Variants in RSPO2 observed in about 807,000 individuals in gnomAD.
RSPO2 encodes R-spondin-2.
Under a neutral mutation model 30.9 loss-of-function variants are expected in RSPO2, and 14 were observed. That is an observed-to-expected ratio of 0.45 (90% CI 0.30 to 0.71). The LOEUF (loss-of-function observed/expected upper bound fraction) is 0.71. Among genes scored for constraint, RSPO2 ranks in the 30% least tolerant of loss-of-function variants. RSPO2 has a pLI of 0.08. For missense variants in RSPO2, 264 were observed against 301.9 expected, an observed-to-expected ratio of 0.87 and a Z score of 0.93; for synonymous variants, 107 against 96.4, an observed-to-expected ratio of 1.11 and a Z score of -0.64.
At chr8:108,061,527 T>C (rs1227739425) in intron 2 of RSPO2, among the ~76,000 whole-genome samples, 3 of 151,662 alleles carry the variant, frequency 2.0e-5, no homozygotes, top group Non-Finnish European at 4.4e-5. Context: ...GCACCCAGAT[T>C]CATAAAGCAA....
chr8:107,984,079 CTGG>C (rs1350039207), intron 3 of RSPO2: 27 of 508,902 alleles, frequency 5.3e-5, no homozygotes, highest in Non-Finnish European at 8.0e-5. Context: ...AATGCTTCAT[CTGG>C]TGGACTGTGG....
chr8:108,001,856 G>A (rs1363014113), intron 2 of RSPO2, among the ~76,000 whole-genome samples: 1 of 152,070 alleles, frequency 6.6e-6, no homozygotes, highest in Non-Finnish European at 1.5e-5. Context: ...ACACAGAGAG[G>A]GGAACATCAC....
At position 108,042,999 on chromosome 8, in the gene RSPO2, C is replaced by T. The variant is rs74952753; in HGVS notation, c.94+39546G>A. On this transcript the variant is annotated intron_variant, in intron 2 of 5. Coordinates refer to ENST00000276659, the MANE Select transcript of RSPO2 (RefSeq NM_178565.5). Reference sequence around the variant, plus strand: ...ATGAAATAAACACTTATAAAGGACACGGCTAAAACATCCTGAGTATACAAA... The same window carrying T: ...ATGAAATAAACACTTATAAAGGACATGGCTAAAACATCCTGAGTATACAAA... Among the ~76,000 whole-genome samples, 992 of 152,120 alleles carry T rather than the reference C, an allele frequency of 6.5e-3. 14 individuals carry two copies. Among genetic ancestry groups the T allele is most frequent in the African/African-American group, 0.021 (857 of 41,504 alleles).
chr8:108,018,144 C>G (rs908881307), intron 2 of RSPO2, among the ~76,000 whole-genome samples: 1 of 152,124 alleles, frequency 6.6e-6, no homozygotes, highest in Admixed American at 6.5e-5. Context: ...TAAAAGGGGA[C>G]TTCACTTAAA....
At chr8:108,049,468 T>C (rs1457244418) in intron 2 of RSPO2, among the ~76,000 whole-genome samples, 1 of 151,852 alleles carries the variant, frequency 6.6e-6, no homozygotes, top group Non-Finnish European at 1.5e-5. Flanking sequence ...ACATGTGCCA[T>C]GGTGGTTTGC....
At chr8:108,035,121 T>C (rs979895464) in intron 2 of RSPO2, among the ~76,000 whole-genome samples, 2 of 152,188 alleles carry the variant, frequency 1.3e-5, no homozygotes, top group Admixed American at 6.5e-5. Context: ...GGAAACAATA[T>C]AACAGAAAGA....
intron 2 of RSPO2, among the ~76,000 whole-genome samples, chr8:108,016,951 G>A (rs911571561): frequency 4.0e-5 from 6 of 151,372 alleles, no homozygotes; most frequent in Non-Finnish European, 7.4e-5. Context: ...ACAAAACCAC[G>A]AGCCAATTAA....
intron 5 of RSPO2, among the ~76,000 whole-genome samples, chr8:107,932,736 A>C (rs1057098756): frequency 1.3e-5 from 2 of 152,122 alleles, no homozygotes; most frequent in Non-Finnish European, 2.9e-5. Context: ...TGTCTGTCAT[A>C]AAGAGAAAAC....
intron 3 of RSPO2, among the ~76,000 whole-genome samples, chr8:107,966,891 G>C (rs936022407): frequency 6.6e-6 from 1 of 152,134 alleles, no homozygotes; most frequent in African/African-American, 2.4e-5. Flanking sequence ...CAATAAAGTA[G>C]AAGGAACCTC....
At chr8:108,009,461 T>C (rs754912187) in intron 2 of RSPO2, among the ~76,000 whole-genome samples, 13 of 152,328 alleles carry the variant, frequency 8.5e-5, no homozygotes, top group Middle Eastern at 3.4e-3. Flanking sequence ...AGTTAATATA[T>C]AGACAAGGCT....
intron 3 of RSPO2, among the ~76,000 whole-genome samples, chr8:107,976,021 A>G (rs1814196877): frequency 6.6e-6 from 1 of 152,228 alleles, no homozygotes; most frequent in African/African-American, 2.4e-5. Flanking sequence ...CTTCAGGGCA[A>G]TGAGCTTTCT....
intron 5 of RSPO2, among the ~76,000 whole-genome samples, chr8:107,949,263 T>G (rs1012028323): frequency 2.6e-5 from 4 of 152,162 alleles, no homozygotes; most frequent in Non-Finnish European, 5.9e-5. Context: ...ATATCTGGTT[T>G]TTTGTTTCTG....
intron 2 of RSPO2, among the ~76,000 whole-genome samples, chr8:108,010,231 G>T (rs1048670222): frequency 6.6e-6 from 1 of 152,120 alleles, no homozygotes; most frequent in African/African-American, 2.4e-5. Context: ...CAGCAGAGTG[G>T]GGAGAGAAGA....
intron 3 of RSPO2, among the ~76,000 whole-genome samples, chr8:107,978,741 G>A (rs1352201908): frequency 6.6e-6 from 1 of 152,052 alleles, no homozygotes; most frequent in African/African-American, 2.4e-5. Context: ...GAGTGAACAG[G>A]CAACCTAAAA....
intron 5 of RSPO2, among the ~76,000 whole-genome samples, chr8:107,953,090 T>C (rs1256379135): frequency 1.3e-5 from 2 of 152,144 alleles, no homozygotes; most frequent in South Asian, 2.1e-4. Flanking sequence ...TCCCAGTATA[T>C]GACAAAGCAT....
chr8:108,056,166 C>T (rs1461918409), intron 2 of RSPO2, among the ~76,000 whole-genome samples: 2 of 152,128 alleles, frequency 1.3e-5, no homozygotes, highest in South Asian at 2.1e-4. Context: ...ACCACTGAAA[C>T]ATGAAATTTG....
At chr8:108,013,750 A>T (rs1200433820) in intron 2 of RSPO2, among the ~76,000 whole-genome samples, 1 of 152,228 alleles carries the variant, frequency 6.6e-6, no homozygotes, top group Non-Finnish European at 1.5e-5. Flanking sequence ...TAAAAGCCCT[A>T]GAAGAAAACC....
intron 2 of RSPO2, among the ~76,000 whole-genome samples, chr8:108,041,422 G>C (rs1364573939): frequency 2.0e-5 from 3 of 151,994 alleles, no homozygotes; most frequent in Admixed American, 2.0e-4. Context: ...ACACATGGAA[G>C]AGATCATATC....
chr8:107,958,250 T>A lies in RSPO2; in HGVS notation c.446A>T (p.His149Leu), dbSNP rs147756016. 2,586 of 1,613,196 alleles carry A rather than the reference T, an allele frequency of 1.6e-3. 7 individuals are homozygous for A. The highest frequency in any genetic ancestry group is 2.1e-3 in the Non-Finnish European group (2,426 of 1,179,466). ...GCTACAAGTTCCCCATTCGCTCCAA[T>A]GACCAACTTCACATCCTTCTAGTAA... ...MECVEGCEVG[H>L]WSEWGTCSRN... Residue 149 changes from histidine (H) to leucine (L), a missense_variant, in exon 5 of 6, where the codon CAT becomes CTT. By Grantham distance (99) the His-to-Leu change is moderately conservative (BLOSUM62 -3). Coordinates refer to ENST00000276659, the MANE Select transcript of RSPO2 (RefSeq NM_178565.5).
Sources: gnomAD v4.1 joint callset for allele counts (sites outside exome capture counted in the v4.1 genomes callset) on GRCh38, gnomAD v4.1.1 for gene constraint, MANE v1.5 for transcripts, NCBI Gene and HGNC (gene_info 2026-07-23, HGNC 2026-07-21) for gene names.